The following TCF25 variants were observed in gnomAD, a reference collection of about 807,000 sequenced individuals.
The protein encoded by TCF25 is TCF25 ribosome quality control complex subunit, also known as ribosome quality control complex subunit TCF25.
TCF25 carries 41 observed loss-of-function variants against 83.1 expected under a neutral mutation model. The observed-to-expected ratio is 0.49, with a 90% CI of 0.38 to 0.64. The LOEUF (loss-of-function observed/expected upper bound fraction) is 0.64. Among genes scored for constraint, TCF25 ranks in the 30% least tolerant of loss-of-function variants. The pLI is 0.00. For missense variants in TCF25, 979 were observed against 914.5 expected, an observed-to-expected ratio of 1.07 and a Z score of -0.91; for synonymous variants, 458 against 365.0, an observed-to-expected ratio of 1.25 and a Z score of -2.90.
intron 1 of TCF25, among the ~76,000 whole-genome samples, chr16:89,881,507 G>A (rs1234909592): frequency 6.8e-6 from 1 of 147,302 alleles, no homozygotes; most frequent in Non-Finnish European, 1.5e-5. Context: ...GTGCCGTTGT[G>A]TGATCATGGC....
intron 11 of TCF25, among the ~76,000 whole-genome samples, 192 bp from the exon 12 acceptor site, chr16:89,900,443 T>C (rs1387785149): frequency 6.6e-6 from 1 of 152,182 alleles, no homozygotes; most frequent in East Asian, 1.9e-4. Context: ...CTCTGTATCT[T>C]CTGCATGCGG....
chr16:89,904,427 G>A (rs1396857618), intron 13 of TCF25: 3 of 594,016 alleles, frequency 5.1e-6, no homozygotes, highest in South Asian at 2.0e-5. Context: ...GCTTAAAAAC[G>A]AGGCTCATAT....
At position 89,873,740 on chromosome 16, in the gene TCF25, C is replaced by T; in HGVS notation, c.73C>T (p.His25Tyr). 1.9e-6 allele frequency: 3 copies of T among 1,611,516 alleles called. No homozygotes were observed. Among genetic ancestry groups the T allele is most frequent in the African/African-American group, 1.3e-5 (1 of 74,742 alleles). Residue 25 changes from histidine (H) to tyrosine (Y), a missense_variant, in exon 1 of 18, where the codon CAT becomes TAT. By Grantham distance (83) the His-to-Tyr change is moderately conservative. Coordinates refer to ENST00000263346, the MANE Select transcript of TCF25 (RefSeq NM_014972.3). The part of the protein sequence containing the change: ...GQEPLGPGAL[H>Y]FDLRDDDDAE... Reference sequence around the variant, plus strand: ...GGAGCCCCTCGGGCCCGGCGCCTTGCATTTCGATCTCCGTGATGACGATGA... The same window carrying T: ...GGAGCCCCTCGGGCCCGGCGCCTTGTATTTCGATCTCCGTGATGACGATGA...
chr16:89,889,165 T>C, intron 5 of TCF25: 1 of 379,028 alleles, frequency 2.6e-6, no homozygotes, highest in Non-Finnish European at 5.1e-6. Context: ...GGACTCTCCA[T>C]CGAAGTGTCC....
chr16:89,908,612 G>A (rs867868112), intron 16 of TCF25, among the ~76,000 whole-genome samples: 1 of 7,644 alleles, frequency 1.3e-4, no homozygotes, highest in African/African-American at 4.8e-4. Flanking sequence ...CCTCCTCCCA[G>A]CTCCCACCTC....
chr16:89,891,254 G>A (rs918841439), intron 5 of TCF25, among the ~76,000 whole-genome samples: 4 of 152,202 alleles, frequency 2.6e-5, no homozygotes, highest in Non-Finnish European at 4.4e-5. Context: ...GGCCATCCCT[G>A]GGATTCTGTA....
chr16:89,908,628 TC>T (rs2045243348), intron 16 of TCF25, among the ~76,000 whole-genome samples: 1 of 112,558 alleles, frequency 8.9e-6, no homozygotes. Context: ...ACCTCCCAGC[TC>T]CCACCTCCCA....
At chr16:89,892,314 G>A (rs1211429777) in intron 6 of TCF25, 39 bp downstream of exon 6, 7 of 1,586,608 alleles carry the variant, frequency 4.4e-6, no homozygotes, top group Non-Finnish European at 6.0e-6. Flanking sequence ...GGAGGGTTGG[G>A]GGGCGTTGTC....
chr16:89,886,353 A>G (rs1170604789), intron 4 of TCF25, among the ~76,000 whole-genome samples: 4 of 152,082 alleles, frequency 2.6e-5, no homozygotes, highest in Admixed American at 2.0e-4. Flanking sequence ...GCGTGAACCC[A>G]ATAGGTGGAG....
chr16:89,878,340 C>G, intron 1 of TCF25: 1 of 945,428 alleles, frequency 1.1e-6, no homozygotes. Flanking sequence ...AATCCCAGCA[C>G]TGTGGGAGGC....
At chr16:89,902,779 AG>A (rs2144232344) in intron 12 of TCF25, among the ~76,000 whole-genome samples, 1 of 151,504 alleles carries the variant, frequency 6.6e-6, no homozygotes, top group African/African-American at 2.4e-5. Flanking sequence ...GCCTCCTCCG[AG>A]GGGCGGTGAG....
intron 1 of TCF25, among the ~76,000 whole-genome samples, chr16:89,875,122 C>G (rs1182186846): frequency 2.0e-5 from 3 of 152,186 alleles, no homozygotes; most frequent in African/African-American, 7.2e-5. Flanking sequence ...ACCTTGGCCT[C>G]TCAGAGTGTT....
At chr16:89,908,057 C>A (rs1271894534) in intron 16 of TCF25, among the ~76,000 whole-genome samples, 2 of 138,336 alleles carry the variant, frequency 1.4e-5, no homozygotes, top group Admixed American at 7.1e-5. Flanking sequence ...TCCCAGCTCC[C>A]GCCTCCCACC....
chr16:89,894,785 C>G (rs1224079742), intron 7 of TCF25, among the ~76,000 whole-genome samples: 1 of 152,164 alleles, frequency 6.6e-6, no homozygotes, highest in African/African-American at 2.4e-5. Context: ...ACTGGAATTA[C>G]AGGCACACGC....
At position 89,885,761 on chromosome 16, in the gene TCF25, C is replaced by G. The variant is rs7184269; in HGVS notation, c.430-87C>G. 10,892 of 1,117,168 alleles carry G rather than the reference C, an allele frequency of 9.7e-3. 784 individuals are homozygous for G. The African/African-American group carries it at 0.15, about 15-fold the overall frequency. The allele number at this position is 1,117,168 out of a possible 1,614,324, so 69.2% of individuals were successfully genotyped here. On this transcript the variant is annotated intron_variant, in intron 3 of 17. Transcript: ENST00000263346. ...AGGAAGTAAATACAGTGTAATAGGT[C>G]TCTTTTAAGATAAATAATTTTGTTA...
At chr16:89,889,420 TCCTC>T (rs967205300) in intron 5 of TCF25, 11 of 248,878 alleles carry the variant, frequency 4.4e-5, no homozygotes, top group Non-Finnish European at 7.9e-5. Flanking sequence ...CAAGCGATTC[TCCTC>T]CCTCTACCTC....
In TCF25 at chr16:89,892,338, CG is replaced by C. The variant is rs763115984; in HGVS notation, c.697+65del. 119 of 1,485,796 alleles carry C rather than the reference CG, an allele frequency of 8.0e-5. No homozygotes were observed. The South Asian group carries it at 1.4e-3, about 17-fold the overall frequency. 92.0% of individuals were successfully genotyped at this position (1,485,796 alleles called of 1,614,324 possible). Reference sequence around the variant, plus strand: ...GGGGGCGTTGTCTGTGCACTGGCCCCGGTACAGCAAACCAGGTGAGGGTCTG... The same window carrying C: ...GGGGGCGTTGTCTGTGCACTGGCCCCGTACAGCAAACCAGGTGAGGGTCTG... On this transcript the variant is annotated intron_variant, in intron 6 of 17. Transcript: ENST00000263346.
intron 8 of TCF25, among the ~76,000 whole-genome samples, chr16:89,895,729 C>T (rs561951935): frequency 9.2e-5 from 14 of 152,332 alleles, no homozygotes; most frequent in African/African-American, 2.6e-4. Flanking sequence ...CACACATGGA[C>T]GCCTGGTTCT....
chr16:89,906,350 G>A (rs771690285), intron 15 of TCF25, 66 bp downstream of exon 15: 19 of 1,531,776 alleles, frequency 1.2e-5, no homozygotes, highest in Middle Eastern at 1.7e-4. Context: ...CTTCTGCTCC[G>A]GGCGGTCCAC....
Sources: allele counts gnomAD v4.1 joint callset (sites outside exome capture counted in the v4.1 genomes callset), GRCh38; gene constraint gnomAD v4.1.1; transcripts MANE v1.5; gene names NCBI Gene and HGNC (gene_info 2026-07-23, HGNC 2026-07-21).